The following EFCAB9 variants were observed in gnomAD, a reference collection of about 807,000 sequenced individuals.
EFCAB9 encodes EF-hand calcium-binding domain-containing protein 9.
Under a neutral mutation model 15.6 loss-of-function variants are expected in EFCAB9, and 16 were observed. That is an observed-to-expected ratio of 1.03 (90% CI 0.69 to 1.56). The LOEUF (loss-of-function observed/expected upper bound fraction) is 1.56, where lower values mean the gene tolerates loss of function less well. Ranked by LOEUF, EFCAB9 falls within the 40% of genes most tolerant of loss-of-function variation. The pLI is 0.00. For synonymous variants in EFCAB9, 76 were observed against 85.4 expected (o/e 0.89, Z 0.61); for missense variants, 208 against 235.4 (o/e 0.88, Z 0.76).
intron 1 of EFCAB9, among the ~76,000 whole-genome samples, chr5:172,198,630 T>C (rs547387879): frequency 1.2e-3 from 182 of 152,358 alleles, no homozygotes; most frequent in African/African-American, 4.2e-3. Flanking sequence ...GTTGTTGTTG[T>C]TTTTGAGACG....
At position 172,203,310 on chromosome 5, in the gene EFCAB9, AAG is replaced by A. The variant is rs1361659619; in HGVS notation, c.563_564del (p.Arg188LysfsTer14). The A allele has an allele frequency of 2.8e-5, 43 of 1,536,298 alleles. No homozygotes were observed. Among genetic ancestry groups the A allele is most frequent in the Non-Finnish European group, 3.5e-5 (40 of 1,146,700 alleles). ...KTEEKEKGER[K>X]RSLYSKCHIK Reference sequence around the variant, plus strand: ...AGAGGAGAAAGAAAAAGGAGAGAGAAAGAGAAGTCTCTACTCAAAATGTCACA... The same window carrying A: ...AGAGGAGAAAGAAAAAGGAGAGAGAAAGAAGTCTCTACTCAAAATGTCACA... On this transcript the variant is annotated frameshift_variant, in exon 4 of 4. Transcript: ENST00000398186. LOFTEE classifies it low-confidence loss of function (END_TRUNC).
At chr5:172,198,311 C>T (rs547034952) in intron 1 of EFCAB9, among the ~76,000 whole-genome samples, 8 of 152,098 alleles carry the variant, frequency 5.3e-5, no homozygotes, top group Admixed American at 2.6e-4. Context: ...GAGTTCGAGA[C>T]GAGTCTGGGC....
At chr5:172,197,725 C>T (rs1355249021) in intron 1 of EFCAB9, among the ~76,000 whole-genome samples, 1 of 152,144 alleles carries the variant, frequency 6.6e-6, no homozygotes, top group Non-Finnish European at 1.5e-5. Context: ...AAAGGTGGCA[C>T]AGACCCAAAG....
At chr5:172,194,849 C>G (rs559023460) in intron 1 of EFCAB9, among the ~76,000 whole-genome samples, 264 of 152,144 alleles carry the variant, frequency 1.7e-3, no homozygotes, top group African/African-American at 6.1e-3. Flanking sequence ...ATGTGGATAA[C>G]ACGTCATCGC....
chr5:172,199,514 A>C lies in EFCAB9; in HGVS notation c.268A>C (p.Met90Leu). The C allele has an allele frequency of 1.3e-6, 2 of 1,537,262 alleles. No individual in the cohort carries two copies. Among genetic ancestry groups the C allele is most frequent in the Admixed American group, 2.0e-5 (1 of 50,996 alleles). The stretch of plus-strand genomic sequence containing the variant: ...TGAGAAGTTCTACATGCTGGTGTGC[A>C]TGCTGCTGGCCCACCAGGCAAGTAG... ...DFEKFYMLVC[M>L]LLAHQNHLEG... The change falls in exon 2 of 4, where the codon ATG becomes CTG. Residue 90 changes from methionine to leucine, a missense_variant. Met to Leu is a conservative substitution (Grantham distance 15). Transcript: ENST00000398186.
At chr5:172,202,876 T>C (rs1487430979) in intron 3 of EFCAB9, among the ~76,000 whole-genome samples, 2 of 152,134 alleles carry the variant, frequency 1.3e-5, no homozygotes, top group Non-Finnish European at 2.9e-5. Flanking sequence ...GGTGTGCATC[T>C]GTAATCCCAG....
intron 1 of EFCAB9, among the ~76,000 whole-genome samples, 155 bp from the exon 2 acceptor site, chr5:172,199,228 G>A (rs1427315880): frequency 6.6e-6 from 1 of 152,194 alleles, no homozygotes; most frequent in Non-Finnish European, 1.5e-5. Context: ...AGGAACTATA[G>A]AAAGTACAGT....
intron 1 of EFCAB9, among the ~76,000 whole-genome samples, chr5:172,195,377 A>C (rs1040238692): frequency 7.9e-5 from 12 of 152,144 alleles, no homozygotes; most frequent in African/African-American, 2.9e-4. Context: ...TTCCTCCGTC[A>C]TGATTTTAAG....
chr5:172,194,452 T>A, intron 1 of EFCAB9, 144 bp downstream of exon 1: 1 of 1,110,402 alleles, frequency 9.0e-7, no homozygotes, highest in Non-Finnish European at 1.2e-6. Flanking sequence ...CAGGCTGGAG[T>A]ACGATGGCGC....
chr5:172,201,208 C>T (rs1429747329), intron 3 of EFCAB9, among the ~76,000 whole-genome samples: 1 of 151,890 alleles, frequency 6.6e-6, no homozygotes, highest in Non-Finnish European at 1.5e-5. Flanking sequence ...AAACCCTGTC[C>T]CTACTAAAAA....
chr5:172,203,438 C>G lies in EFCAB9; in HGVS notation c.*93C>G. The G allele has an allele frequency of 7.1e-7, 1 of 1,399,116 alleles. No homozygotes were observed. The highest frequency in any genetic ancestry group is 1.5e-5 in the South Asian group (1 of 66,604). The allele number at this position is 1,399,116 out of a possible 1,614,324, so 86.7% of individuals were successfully genotyped here. On this transcript the variant is annotated 3_prime_UTR_variant, in exon 4 of 4. Coordinates refer to ENST00000398186, the MANE Select transcript of EFCAB9 (RefSeq NM_001171183.2). ...CTGTTAACATGTCTAAAAATAAATTCAGAGCATCAAAGTAGATATCTTTAT... is the reference window on the plus strand; with the variant it reads ...CTGTTAACATGTCTAAAAATAAATTGAGAGCATCAAAGTAGATATCTTTAT...
intron 2 of EFCAB9, among the ~76,000 whole-genome samples, chr5:172,199,932 C>CT (rs34086491): frequency 0.14 from 14,111 of 102,490 alleles, 1,692 homozygotes; most frequent in East Asian, 0.27. Flanking sequence ...ACCCAGTTTC[C>CT]TTTTTTTTTT....
At chr5:172,200,435 G>A in intron 2 of EFCAB9, 131 bp from the exon 3 acceptor site, 1 of 926,690 alleles carries the variant, frequency 1.1e-6, no homozygotes, top group Non-Finnish European at 1.6e-6. Context: ...TTTCAGCCCT[G>A]AGCTTCTGAT....
chr5:172,196,235 T>A (rs1485661576), intron 1 of EFCAB9, among the ~76,000 whole-genome samples: 1 of 152,118 alleles, frequency 6.6e-6, no homozygotes, highest in Non-Finnish European at 1.5e-5. Context: ...TTCCAGGTGC[T>A]CATATCCAGA....
rs755417966 is a variant in EFCAB9, at chr5:172,199,483, C to G, written c.237C>G (p.Ile79Met). The G allele has an allele frequency of 6.5e-7, 1 of 1,537,322 alleles. No individual in the cohort carries two copies. Among genetic ancestry groups the G allele is most frequent in the Non-Finnish European group, 8.7e-7 (1 of 1,146,932 alleles). The change falls in exon 2 of 4, where the codon ATC (isoleucine) becomes ATG (methionine). Residue 79 changes from isoleucine to methionine, a missense_variant. Coordinates refer to ENST00000398186, the MANE Select transcript of EFCAB9 (RefSeq NM_001171183.2). The part of the protein sequence containing the change: ...DMLDWNAVGE[I>M]DFEKFYMLVC... Reference sequence around the variant, plus strand: ...TGGACTGGAACGCTGTGGGCGAGATCGACTTTGAGAAGTTCTACATGCTGG... The same window carrying G: ...TGGACTGGAACGCTGTGGGCGAGATGGACTTTGAGAAGTTCTACATGCTGG...
chr5:172,199,621 G>A (rs1246026567), intron 2 of EFCAB9, 90 bp downstream of exon 2: 8 of 1,472,194 alleles, frequency 5.4e-6, no homozygotes, highest in African/African-American at 1.4e-5. Context: ...TCACTAAAAA[G>A]AGGAAGAAAA....
At position 172,203,416 on chromosome 5, in the gene EFCAB9, T is replaced by C. The variant is rs530664517; in HGVS notation, c.*71T>C. 23 of 1,456,902 alleles carry C rather than the reference T, an allele frequency of 1.6e-5. 2 individuals are homozygous for C. The African/African-American group carries it at 3.3e-4, about 21-fold the overall frequency. 90.2% of individuals were successfully genotyped at this position (1,456,902 alleles called of 1,614,324 possible). On this transcript the variant is annotated 3_prime_UTR_variant, in exon 4 of 4. Coordinates refer to ENST00000398186, the MANE Select transcript of EFCAB9 (RefSeq NM_001171183.2). ...AGAACATGAACATTGATGAAGACTG[T>C]TAACATGTCTAAAAATAAATTCAGA...
rs1771241672 is a variant in EFCAB9 at position 172,200,595 on chromosome 5, T to C, written c.315T>C (p.Arg105=). The C allele has an allele frequency of 2.0e-6, 3 of 1,537,096 alleles. No homozygotes were observed. The African/African-American group carries it at 4.1e-5, about 21-fold the overall frequency. ...ATTTGGAAGGACAGTTTATGTATCG[T>C]CATTCCCGGCCTGTCTTTGACCTGC... The part of the protein sequence containing the change: ...QNHLEGQFMY[R]HSRPVFDLLD... The change falls in exon 3 of 4, where the codon CGT becomes CGC. Residue 105 remains arginine, a synonymous_variant. Transcript: ENST00000398186.
intron 3 of EFCAB9, 129 bp from the exon 4 acceptor site, chr5:172,203,085 T>G (rs1251491975): frequency 1.1e-6 from 1 of 891,508 alleles, no homozygotes; most frequent in East Asian, 2.8e-5. Flanking sequence ...ACTATAATTA[T>G]GTCCCAATTA....
Sources: allele counts gnomAD v4.1 joint callset (sites outside exome capture counted in the v4.1 genomes callset), GRCh38; gene constraint gnomAD v4.1.1; transcripts MANE v1.5; gene names NCBI Gene and HGNC (gene_info 2026-07-23, HGNC 2026-07-21).